RORA: variants seen among roughly 807,000 people sequenced by gnomAD.
The protein encoded by RORA is RAR related orphan receptor A.
A neutral mutation model predicts 69.5 loss-of-function variants in RORA; 7 were observed. The ratio of observed to expected loss-of-function variants is 0.10; its 90% CI spans 0.06 to 0.19. The LOEUF (loss-of-function observed/expected upper bound fraction) is 0.19. Among genes scored for constraint, RORA ranks in the 10% least tolerant of loss-of-function variants. The pLI is 1.00. For synonymous variants in RORA, 261 were observed against 240.8 expected, an observed-to-expected ratio of 1.08 and a Z score of -0.78; for missense variants, 457 against 663.0, an observed-to-expected ratio of 0.69 and a Z score of 3.41.
chr15:60,879,758 G>A (rs986842308), intron 1 of RORA, among the ~76,000 whole-genome samples: 3 of 152,316 alleles, frequency 2.0e-5, no homozygotes, highest in South Asian at 4.1e-4. Context: ...TAGGGTCAGG[G>A]TTCTGGAAAT....
chr15:60,926,113 G>C (rs988757275), intron 1 of RORA, among the ~76,000 whole-genome samples: 1 of 152,232 alleles, frequency 6.6e-6, no homozygotes, highest in African/African-American at 2.4e-5. Flanking sequence ...TCAGGGCCTG[G>C]AGATGGTAAC....
intron 1 of RORA, among the ~76,000 whole-genome samples, chr15:60,993,598 A>G (rs1969416): frequency 0.56 from 80,959 of 144,776 alleles, 23,469 homozygotes; most frequent in African/African-American, 0.74. Context: ...AGCTAAGATC[A>G]CGCCACTGCA....
intron 1 of RORA, among the ~76,000 whole-genome samples, chr15:61,136,859 T>C (rs1022928729): frequency 1.3e-5 from 2 of 152,088 alleles, no homozygotes; most frequent in African/African-American, 4.8e-5. Flanking sequence ...CTCATGAATA[T>C]CACCTTTATT....
chr15:60,752,210 C>T (rs774086447), intron 1 of RORA, among the ~76,000 whole-genome samples: 2 of 152,120 alleles, frequency 1.3e-5, no homozygotes, highest in South Asian at 4.2e-4. Context: ...GTAATCACAA[C>T]CAAAATTTTG....
intron 1 of RORA, among the ~76,000 whole-genome samples, chr15:61,043,207 A>G (rs780916816): frequency 2.6e-5 from 4 of 152,214 alleles, no homozygotes; most frequent in Non-Finnish European, 5.9e-5. Flanking sequence ...ATTCTGCCCC[A>G]CGTCCAATCT....
At chr15:61,011,526 A>C (rs975866690) in intron 1 of RORA, among the ~76,000 whole-genome samples, 4 of 152,184 alleles carry the variant, frequency 2.6e-5, no homozygotes, top group African/African-American at 9.6e-5. Flanking sequence ...TAATCCAAAG[A>C]GGAAACACAG....
At chr15:60,839,375 A>G (rs2073165753) in intron 1 of RORA, among the ~76,000 whole-genome samples, 1 of 152,192 alleles carries the variant, frequency 6.6e-6, no homozygotes, top group South Asian at 2.1e-4. Flanking sequence ...TCTCATTTGT[A>G]TTTCTTTACT....
chr15:61,056,135 T>C (rs961315397), intron 1 of RORA, among the ~76,000 whole-genome samples: 1 of 152,120 alleles, frequency 6.6e-6, no homozygotes, highest in African/African-American at 2.4e-5. Flanking sequence ...AGAAAAGAGC[T>C]AATCAAAAAA....
intron 2 of RORA, among the ~76,000 whole-genome samples, chr15:60,660,552 T>C (rs905084258): frequency 6.6e-6 from 1 of 152,172 alleles, no homozygotes; most frequent in African/African-American, 2.4e-5. Flanking sequence ...TCTACCTGCA[T>C]ATGCTGGCAA....
chr15:60,795,814 T>G (rs955539523), intron 1 of RORA, among the ~76,000 whole-genome samples: 1 of 152,200 alleles, frequency 6.6e-6, no homozygotes, highest in Non-Finnish European at 1.5e-5. Flanking sequence ...TTGTAGACTG[T>G]AAGGCACTGC....
At chr15:60,979,702 C>G (rs2054841171) in intron 1 of RORA, among the ~76,000 whole-genome samples, 1 of 150,162 alleles carries the variant, frequency 6.7e-6, no homozygotes, top group Admixed American at 6.7e-5. Flanking sequence ...TTGTTGAACT[C>G]ATTAACTCTA....
chr15:60,766,041 T>C (rs748479484), intron 1 of RORA, among the ~76,000 whole-genome samples: 4 of 152,168 alleles, frequency 2.6e-5, no homozygotes, highest in African/African-American at 7.2e-5. Context: ...ATGAATGGCT[T>C]CTAAATTATT....
intron 1 of RORA, among the ~76,000 whole-genome samples, chr15:60,880,954 G>A (rs1306581169): frequency 6.6e-6 from 1 of 152,172 alleles, no homozygotes. Flanking sequence ...TGACACCTCA[G>A]CCTCTATCTC....
At chr15:60,754,150 G>C (rs1223194698) in intron 1 of RORA, among the ~76,000 whole-genome samples, 1 of 152,144 alleles carries the variant, frequency 6.6e-6, no homozygotes, top group Non-Finnish European at 1.5e-5. Flanking sequence ...CCCTTTTTGG[G>C]TAGAAATCCA....
intron 1 of RORA, among the ~76,000 whole-genome samples, chr15:61,217,408 T>A (rs1240801786): frequency 6.6e-6 from 1 of 150,538 alleles, no homozygotes; most frequent in Non-Finnish European, 1.5e-5. Flanking sequence ...TTATCTGGAG[T>A]GAAAATGATG....
chr15:60,945,342 C>T (rs1482219040), intron 1 of RORA, among the ~76,000 whole-genome samples: 2 of 152,202 alleles, frequency 1.3e-5, no homozygotes, highest in East Asian at 3.9e-4. Context: ...ACAGTGCTGG[C>T]TTCTTGCATG....
intron 2 of RORA, among the ~76,000 whole-genome samples, chr15:60,584,859 T>C (rs2068287324): frequency 6.6e-6 from 1 of 152,220 alleles, no homozygotes; most frequent in Admixed American, 6.5e-5. Context: ...TTGGCTTCAA[T>C]AACTGATCTG....
rs1596141718 is a variant in RORA, at chr15:60,705,645, T to C, written c.167-26959A>G. On this transcript the variant is annotated intron_variant, in intron 1 of 10. Coordinates refer to ENST00000335670, the MANE Select transcript of RORA (RefSeq NM_134261.3). ...GGTAACTAAGACCTTAAAAACAAGCTTCTGAAGTTATGGTTAGAATTAGAA... is the reference window on the plus strand; with the variant it reads ...GGTAACTAAGACCTTAAAAACAAGCCTCTGAAGTTATGGTTAGAATTAGAA... 1.3e-5 allele frequency among the ~76,000 whole-genome samples: 2 copies of C among 152,334 alleles called. 1 individual carries two copies. The highest frequency in any genetic ancestry group is 4.1e-4 in the South Asian group (2 of 4,828).
intron 1 of RORA, among the ~76,000 whole-genome samples, chr15:60,699,296 T>G (rs1372914713): frequency 6.6e-6 from 1 of 152,188 alleles, no homozygotes; most frequent in African/African-American, 2.4e-5. Flanking sequence ...GATTTTACTT[T>G]TTATGTTTAA....
Sources: allele counts gnomAD v4.1 joint callset (sites outside exome capture counted in the v4.1 genomes callset), GRCh38; gene constraint gnomAD v4.1.1; transcripts MANE v1.5; gene names NCBI Gene and HGNC (gene_info 2026-07-23, HGNC 2026-07-21).